The following ARMH3 variants were observed in gnomAD, a reference collection of about 807,000 sequenced individuals.
ARMH3 encodes the protein armadillo-like helical domain-containing protein 3.
Under a neutral mutation model 99.1 loss-of-function variants are expected in ARMH3, and 60 were observed. The observed-to-expected ratio is 0.61, with a 90% CI of 0.49 to 0.75. The LOEUF (loss-of-function observed/expected upper bound fraction) is 0.75. Among genes scored for constraint, ARMH3 ranks in the 30% least tolerant of loss-of-function variants. The pLI is 0.00. For missense variants in ARMH3, 679 were observed against 843.1 expected (o/e 0.81, Z 2.41); for synonymous variants, 285 against 292.8 (o/e 0.97, Z 0.27).
intron 23 of ARMH3, among the ~76,000 whole-genome samples, chr10:101,908,411 C>T (rs182386311): frequency 6.6e-6 from 1 of 152,298 alleles, no homozygotes; most frequent in East Asian, 1.9e-4. Flanking sequence ...ATGAGCACTA[C>T]TAACATTTGG....
chr10:102,037,797 C>T (rs961494362), intron 2 of ARMH3, among the ~76,000 whole-genome samples: 6 of 151,946 alleles, frequency 3.9e-5, no homozygotes, highest in Admixed American at 1.3e-4. Context: ...ATATGTTGCC[C>T]GAGATGGTCT....
chr10:101,943,974 G>A (rs561360165), intron 22 of ARMH3, among the ~76,000 whole-genome samples: 61 of 150,598 alleles, frequency 4.1e-4, no homozygotes, highest in African/African-American at 1.5e-3. Flanking sequence ...TGAGGCAGGA[G>A]AATGGCGTGA....
At chr10:101,922,799 A>G (rs1843355401) in intron 23 of ARMH3, among the ~76,000 whole-genome samples, 1 of 152,216 alleles carries the variant, frequency 6.6e-6, no homozygotes, top group Admixed American at 6.5e-5. Context: ...AACTACAGAT[A>G]GCTACTCCTG....
rs1158564162 is a variant in ARMH3 at position 102,011,818 on chromosome 10, GTTTA to G, written c.771-39_771-36del. The G allele has an allele frequency of 1.9e-6, 3 of 1,541,472 alleles. No homozygotes were observed. In the Admixed American group the frequency reaches 5.4e-5, roughly 28 times the overall value. The stretch of plus-strand genomic sequence containing the variant: ...AAGAACTAAATTCAACTTTAGGATT[GTTTA>G]TCAATTATGTCTTTGTCCTTGACAT... On this transcript the variant is annotated intron_variant, in intron 10 of 25. Transcript: ENST00000370033.
At chr10:101,993,432 C>T (rs1250758929) in intron 17 of ARMH3, 106 bp downstream of exon 17, 4 of 814,114 alleles carry the variant, frequency 4.9e-6, no homozygotes, top group Non-Finnish European at 7.7e-6. Context: ...CCCTTTGGCA[C>T]AACTTTCCAC....
At chr10:101,878,636 C>T (rs981960983) in intron 24 of ARMH3, among the ~76,000 whole-genome samples, 2 of 150,268 alleles carry the variant, frequency 1.3e-5, no homozygotes, top group African/African-American at 2.5e-5. Flanking sequence ...GAAACTGCAT[C>T]TCAAGAAAAA....
chr10:101,876,247 C>CAA (rs34928343), intron 24 of ARMH3, among the ~76,000 whole-genome samples: 4,717 of 82,606 alleles, frequency 0.057, 422 homozygotes, highest in African/African-American at 0.16. Flanking sequence ...GGCTCCATCT[C>CAA]AAAAAAAAAA....
At chr10:101,934,122 T>C (rs1162708858) in intron 23 of ARMH3, among the ~76,000 whole-genome samples, 1 of 152,216 alleles carries the variant, frequency 6.6e-6, no homozygotes, top group African/African-American at 2.4e-5. Flanking sequence ...GTACACAGCC[T>C]ATTCCAAAGG....
At chr10:101,907,659 C>T (rs963961479) in intron 23 of ARMH3, among the ~76,000 whole-genome samples, 4 of 152,210 alleles carry the variant, frequency 2.6e-5, no homozygotes, top group African/African-American at 9.6e-5. Context: ...GCCGGGATTA[C>T]AGGCGTGAGC....
At chr10:101,963,202 G>A (rs1428264743) in intron 20 of ARMH3, among the ~76,000 whole-genome samples, 1 of 151,162 alleles carries the variant, frequency 6.6e-6, no homozygotes, top group East Asian at 1.9e-4. Context: ...GAGTGCAGTG[G>A]CACGATCATG....
At chr10:101,906,522 G>C (rs180770585) in intron 23 of ARMH3, among the ~76,000 whole-genome samples, 2 of 152,334 alleles carry the variant, frequency 1.3e-5, no homozygotes, top group African/African-American at 4.8e-5. Context: ...TAAAATAGTG[G>C]TTGTAGCATT....
At chr10:101,881,883 C>G (rs138113433) in intron 24 of ARMH3, among the ~76,000 whole-genome samples, 2 of 152,190 alleles carry the variant, frequency 1.3e-5, no homozygotes, top group Non-Finnish European at 2.9e-5. Flanking sequence ...CCAATCCCTA[C>G]CACTCCTCTT....
Position 102,009,170 on chromosome 10 carries a change from GT to G in ARMH3, c.954+203del, listed in dbSNP as rs373201839. ...TTGGCCAAAAAAACTAACTTTGCAC[GT>G]TATTAGACCCATTTCAGCACCAATG... On this transcript the variant is annotated intron_variant, in intron 13 of 25. Coordinates refer to ENST00000370033, the MANE Select transcript of ARMH3 (RefSeq NM_024541.3). Among the ~76,000 whole-genome samples the G allele has an allele frequency of 3.3e-4, 50 of 152,230 alleles. No homozygotes were observed. The East Asian group carries it at 9.2e-3, about 28-fold the overall frequency.
intron 22 of ARMH3, among the ~76,000 whole-genome samples, chr10:101,946,574 G>C (rs1285266105): frequency 6.6e-6 from 1 of 152,156 alleles, no homozygotes; most frequent in East Asian, 1.9e-4. Context: ...ACTGACAAAG[G>C]AGTCAGTGAA....
rs1035568036 is a variant in ARMH3, at chr10:102,018,113, G to A, written c.670-4089C>T. Among the ~76,000 whole-genome samples the A allele has an allele frequency of 5.9e-5, 9 of 152,182 alleles. No individual in the cohort carries two copies. In the East Asian group the frequency reaches 9.6e-4, roughly 16 times the overall value. The stretch of plus-strand genomic sequence containing the variant: ...GCTCCTGACTTTTGGGTTCAGTAAT[G>A]TACTCCTAGTTACCAGGACTCAGTG... On this transcript the variant is annotated intron_variant, in intron 8 of 25. Transcript: ENST00000370033.
At chr10:102,026,872 G>C (rs968343915) in intron 5 of ARMH3, among the ~76,000 whole-genome samples, 3 of 152,228 alleles carry the variant, frequency 2.0e-5, no homozygotes, top group Admixed American at 2.0e-4. Context: ...TGTAAGCATG[G>C]AGACTAATGA....
chr10:102,010,332 G>A (rs1484023242), intron 11 of ARMH3, among the ~76,000 whole-genome samples: 1 of 152,204 alleles, frequency 6.6e-6, no homozygotes, highest in Non-Finnish European at 1.5e-5. Context: ...CAGTGTGTAA[G>A]TTTAGTCCCT....
chr10:101,905,915 C>T (rs1250928225), intron 23 of ARMH3, among the ~76,000 whole-genome samples: 1 of 152,140 alleles, frequency 6.6e-6, no homozygotes, highest in East Asian at 1.9e-4. Context: ...ATTGTCTGTC[C>T]GTCTTTTCCC....
rs1318451153 is a variant in ARMH3, at chr10:102,002,090, A to C, written c.1049-18T>G. 1 of 1,612,966 alleles carries C rather than the reference A, an allele frequency of 6.2e-7. No individual in the cohort carries two copies. Among genetic ancestry groups the C allele is most frequent in the Admixed American group, 1.7e-5 (1 of 59,926 alleles). On this transcript the variant is annotated intron_variant, in intron 14 of 25. Coordinates refer to ENST00000370033, the MANE Select transcript of ARMH3 (RefSeq NM_024541.3). Reference sequence around the variant, plus strand: ...ACTTATAACTGGAATAGAACAGATAAAATGCACTTAGCCTGCAACATATTC... The same window carrying C: ...ACTTATAACTGGAATAGAACAGATACAATGCACTTAGCCTGCAACATATTC...
Sources: gnomAD v4.1 joint callset for allele counts (sites outside exome capture counted in the v4.1 genomes callset) on GRCh38, gnomAD v4.1.1 for gene constraint, MANE v1.5 for transcripts, NCBI Gene and HGNC (gene_info 2026-07-23, HGNC 2026-07-21) for gene names.